Variants in TIAM2 observed in about 807,000 individuals in gnomAD.
The protein encoded by TIAM2 is rho guanine nucleotide exchange factor TIAM2.
A neutral mutation model predicts 152.9 loss-of-function variants in TIAM2; 80 were observed. The observed-to-expected ratio is 0.52, with a 90% CI of 0.44 to 0.63. The LOEUF (loss-of-function observed/expected upper bound fraction) is 0.63. Ranked by LOEUF, TIAM2 falls within the 30% of genes least tolerant of loss-of-function variation. TIAM2 has a pLI of 0.00. For synonymous variants in TIAM2, 804 were observed against 838.0 expected (o/e 0.96, Z 0.70); for missense variants, 1,965 against 2,120.1 (o/e 0.93, Z 1.44).
intron 1 of TIAM2, among the ~76,000 whole-genome samples, chr6:155,037,534 T>C (rs759839104): frequency 5.3e-5 from 8 of 152,114 alleles, no homozygotes; most frequent in Non-Finnish European, 1.0e-4. Context: ...TTCTTTTCTT[T>C]TTTTATTTTT....
intron 12 of TIAM2, among the ~76,000 whole-genome samples, chr6:155,180,249 G>A (rs927514743): frequency 6.6e-6 from 1 of 152,122 alleles, no homozygotes; most frequent in South Asian, 2.1e-4. Context: ...TTGCACCACT[G>A]TACTCTAGCC....
At chr6:155,139,648 T>C (rs1310616957) in intron 5 of TIAM2, among the ~76,000 whole-genome samples, 1 of 152,072 alleles carries the variant, frequency 6.6e-6, no homozygotes, top group Admixed American at 6.6e-5. Context: ...CTGCAAACTA[T>C]TATGAGTGAG....
intron 17 of TIAM2, 47 bp from the exon 18 acceptor site, chr6:155,244,611 G>C: frequency 6.2e-7 from 1 of 1,600,038 alleles, no homozygotes; most frequent in Non-Finnish European, 8.5e-7. Flanking sequence ...GTGGTGTCCT[G>C]AACTTCATGG....
chr6:155,222,494 G>A (rs920955228), intron 15 of TIAM2, among the ~76,000 whole-genome samples: 7 of 151,772 alleles, frequency 4.6e-5, no homozygotes, highest in East Asian at 2.0e-4. Flanking sequence ...CCAGCTACTC[G>A]GGAGGCTGAG....
chr6:155,247,149 G>C (rs987194826), intron 19 of TIAM2, among the ~76,000 whole-genome samples: 3 of 152,200 alleles, frequency 2.0e-5, no homozygotes, highest in Non-Finnish European at 4.4e-5. Context: ...TGCAGGCTGT[G>C]GTGCCTGTCA....
chr6:155,228,828 C>T lies in TIAM2; in HGVS notation c.3169-11702C>T, dbSNP rs531503399. ...CCTGTTCCCACCGCTCTGGCACCAGCTGCTCAGTTGCTCCGTCCTGGGGAG... is the reference window on the plus strand; with the variant it reads ...CCTGTTCCCACCGCTCTGGCACCAGTTGCTCAGTTGCTCCGTCCTGGGGAG... On this transcript the variant is annotated intron_variant, in intron 15 of 26. Transcript: ENST00000682666. Among the ~76,000 whole-genome samples, 7 of 152,294 alleles carry T rather than the reference C, an allele frequency of 4.6e-5. No individual in the cohort carries two copies. In the East Asian group the frequency reaches 1.2e-3, roughly 25 times the overall value.
intron 5 of TIAM2, among the ~76,000 whole-genome samples, chr6:155,138,856 T>G (rs974933916): frequency 6.6e-6 from 1 of 152,236 alleles, no homozygotes; most frequent in Non-Finnish European, 1.5e-5. Flanking sequence ...GCTGTCTTTT[T>G]TTTTTAAACA....
intron 4 of TIAM2, among the ~76,000 whole-genome samples, chr6:155,133,650 C>T (rs1475332376): frequency 6.6e-6 from 1 of 152,072 alleles, no homozygotes; most frequent in African/African-American, 2.4e-5. Context: ...CTCTCTGCTT[C>T]AATGAGTTGG....
Position 155,256,915 on chromosome 6 carries a change from C to T in TIAM2, c.4900C>T (p.Pro1634Ser). The stretch of plus-strand genomic sequence containing the variant: ...CAAACTGGTCCGGGGGCACTTCTGC[C>T]CCATTAAACGAAAAGCCAACAGCAC... Reference protein sequence around the residue: ...QPKLVRGHFCPIKRKANSTKR... With the variant: ...QPKLVRGHFCSIKRKANSTKR... Residue 1634 changes from proline (P) to serine (S), a missense_variant, in exon 27 of 27, where the codon CCC (proline) becomes TCC (serine). Transcript: ENST00000682666. The T allele has an allele frequency of 6.2e-7, 1 of 1,614,120 alleles. No individual in the cohort carries two copies. The highest frequency in any genetic ancestry group is 1.1e-5 in the South Asian group (1 of 91,074).
intron 15 of TIAM2, among the ~76,000 whole-genome samples, chr6:155,235,689 G>T (rs532825580): frequency 1.3e-5 from 2 of 152,322 alleles, no homozygotes; most frequent in African/African-American, 2.4e-5. Flanking sequence ...AATGTTAAGT[G>T]TACAAAAGGT....
At chr6:155,041,115 T>C (rs1777017609) in intron 1 of TIAM2, among the ~76,000 whole-genome samples, 1 of 152,130 alleles carries the variant, frequency 6.6e-6, no homozygotes, top group Non-Finnish European at 1.5e-5. Context: ...GCCAAACTCA[T>C]TGGCTTCTTG....
At chr6:155,069,876 C>T (rs571381528) in intron 1 of TIAM2, among the ~76,000 whole-genome samples, 1 of 148,380 alleles carries the variant, frequency 6.7e-6, no homozygotes, top group Admixed American at 6.8e-5. Flanking sequence ...TATTGTGTAG[C>T]TTTGGAATGT....
At chr6:155,207,228 A>G (rs1781618649) in intron 14 of TIAM2, among the ~76,000 whole-genome samples, 1 of 151,970 alleles carries the variant, frequency 6.6e-6, no homozygotes, top group Non-Finnish European at 1.5e-5. Flanking sequence ...ACCAGCCTCC[A>G]CTCTTTTTAA....
rs552524207 is a variant in TIAM2, at chr6:155,231,651, T to C, written c.3169-8879T>C. Among the ~76,000 whole-genome samples, 6 of 152,264 alleles carry C rather than the reference T, an allele frequency of 3.9e-5. No individual in the cohort carries two copies. The South Asian group carries it at 1.2e-3, about 32-fold the overall frequency. On this transcript the variant is annotated intron_variant, in intron 15 of 26. Transcript: ENST00000682666. ...TGCCAGCTTCCCCCCAAGCACTAAA[T>C]AGAGTTCAGCCCTGAAATCCTGACC...
chr6:155,190,367 C>T (rs538780808), intron 14 of TIAM2, among the ~76,000 whole-genome samples: 1 of 152,130 alleles, frequency 6.6e-6, no homozygotes, highest in Non-Finnish European at 1.5e-5. Flanking sequence ...CCTATATGTT[C>T]TCTGTAAAAC....
intron 9 of TIAM2, among the ~76,000 whole-genome samples, chr6:155,173,758 G>A (rs1320191406): frequency 2.6e-5 from 4 of 152,252 alleles, no homozygotes; most frequent in Admixed American, 2.0e-4. Context: ...GGACTTAGAA[G>A]TGACTCTCCT....
chr6:155,155,097 C>A (rs1231688416), intron 7 of TIAM2, among the ~76,000 whole-genome samples: 1 of 151,098 alleles, frequency 6.6e-6, no homozygotes, highest in African/African-American at 2.4e-5. Context: ...GAACTTTATT[C>A]AATAGGCAAT....
At chr6:155,041,919 T>C (rs1264425197) in intron 1 of TIAM2, among the ~76,000 whole-genome samples, 1 of 152,188 alleles carries the variant, frequency 6.6e-6, no homozygotes, top group East Asian at 1.9e-4. Flanking sequence ...ACAAATAGCC[T>C]TAGTTGAAAC....
chr6:155,035,292 G>A (rs944366284), intron 1 of TIAM2, among the ~76,000 whole-genome samples: 3 of 150,452 alleles, frequency 2.0e-5, no homozygotes, highest in Admixed American at 1.3e-4. Context: ...GCGTGATCTT[G>A]GCTCACTGCA....
Sources: allele counts gnomAD v4.1 joint callset (sites outside exome capture counted in the v4.1 genomes callset), GRCh38; gene constraint gnomAD v4.1.1; transcripts MANE v1.5; gene names NCBI Gene and HGNC (gene_info 2026-07-23, HGNC 2026-07-21).